VCAN: variants seen among roughly 807,000 people sequenced by gnomAD.
The protein encoded by VCAN is versican core protein.
Under a neutral mutation model 245.5 loss-of-function variants are expected in VCAN, and 44 were observed. The ratio of observed to expected loss-of-function variants is 0.18; its 90% confidence interval spans 0.14 to 0.23. The LOEUF is 0.23. Among genes scored for constraint, VCAN ranks in the 10% least tolerant of loss-of-function variants. The probability of loss-of-function intolerance (pLI) is 1.00; values close to 1 mark genes in which losing one functional copy is unlikely to be tolerated. For synonymous variants in VCAN, 1,413 were observed against 1,437.0 expected (o/e 0.98, Z 0.38); for missense variants, 3,793 against 4,057.9 (o/e 0.93, Z 1.77).
At chr5:83,544,708 G>A (rs1747139540) in intron 8 of VCAN, among the ~76,000 whole-genome samples, 1 of 152,078 alleles carries the variant, frequency 6.6e-6, no homozygotes, top group African/African-American at 2.4e-5. Context: ...ACTTATCCAA[G>A]CAATATTGCA....
At chr5:83,547,950 G>A in intron 9 of VCAN, 21 bp from the exon 10 acceptor site, 1 of 1,541,910 alleles carries the variant, frequency 6.5e-7, no homozygotes, top group South Asian at 1.1e-5. Flanking sequence ...TATTTTGTGA[G>A]CTTTTACTAT....
chr5:83,505,485 C>T (rs1364909834), intron 5 of VCAN, among the ~76,000 whole-genome samples: 1 of 152,178 alleles, frequency 6.6e-6, no homozygotes, highest in Non-Finnish European at 1.5e-5. Context: ...GCAGGTCTCA[C>T]ACCCAGGTCA....
At chr5:83,497,184 A>C (rs956443494) in intron 5 of VCAN, among the ~76,000 whole-genome samples, 2 of 152,236 alleles carry the variant, frequency 1.3e-5, no homozygotes, top group African/African-American at 4.8e-5. Context: ...ATTAAGTATA[A>C]AATGAAAACT....
chr5:83,566,004 C>T (rs1391142221), intron 12 of VCAN, among the ~76,000 whole-genome samples: 1 of 150,524 alleles, frequency 6.6e-6, no homozygotes, highest in African/African-American at 2.5e-5. Flanking sequence ...ACTCTTGTTG[C>T]CCAGGCTGGA....
chr5:83,578,144 T>C (rs73148675), intron 13 of VCAN, among the ~76,000 whole-genome samples: 3,257 of 152,174 alleles, frequency 0.021, 88 homozygotes, highest in African/African-American at 0.056. Flanking sequence ...TGGAATACGA[T>C]GCAGCCATAA....
intron 5 of VCAN, among the ~76,000 whole-genome samples, chr5:83,497,472 T>C (rs1309449261): frequency 6.6e-6 from 1 of 152,190 alleles, no homozygotes; most frequent in Non-Finnish European, 1.5e-5. Context: ...AATAACCTAT[T>C]AAGTTTTAAA....
chr5:83,490,204 T>G lies in VCAN; in HGVS notation c.177T>G (p.Ser59Arg), dbSNP rs775793051. ...CTTTGCCACCCAGTTACAACACCAG[T>G]GAATTTCTCCGCATCAAATGGTCTA... is the stretch of plus-strand genomic sequence containing the variant. ...MPTLPPSYNT[S>R]EFLRIKWSKI... The change falls in exon 3 of 15, where the codon AGT (serine) becomes AGG (arginine). Residue 59 changes from serine (S) to arginine (R), a missense_variant. Transcript: ENST00000265077. 1.2e-6 allele frequency: 2 copies of G among 1,614,146 alleles called. No homozygotes were observed. Among genetic ancestry groups the G allele is most frequent in the Non-Finnish European group, 1.7e-6 (2 of 1,180,014 alleles).
At chr5:83,564,427 C>A (rs1474357092) in intron 12 of VCAN, among the ~76,000 whole-genome samples, 5 of 152,134 alleles carry the variant, frequency 3.3e-5, no homozygotes, top group Non-Finnish European at 7.4e-5. Context: ...TGAATAGTTT[C>A]TTAATTCTAG....
At position 83,526,840 on chromosome 5, in the gene VCAN, A is replaced by G. The variant is rs1580634858; in HGVS notation, c.4003+4531A>G. On this transcript the variant is annotated intron_variant, in intron 7 of 14. Transcript: ENST00000265077. Reference sequence around the variant, plus strand: ...CATGTATGTGCAAAACTAAGTCATCATCAAACTCACACTTCGGGCTTCATA... The same window carrying G: ...CATGTATGTGCAAAACTAAGTCATCGTCAAACTCACACTTCGGGCTTCATA... Among the ~76,000 whole-genome samples the G allele has an allele frequency of 5.9e-5, 9 of 152,350 alleles. 1 individual carries two copies. In the Middle Eastern group the frequency reaches 0.024, roughly 403 times the overall value.
In VCAN at chr5:83,540,618, C is replaced by T. The variant is rs759498840; in HGVS notation, c.7615C>T (p.Pro2539Ser). ...DSTLKPNRKK[P>S]TENIIIDLDK... ...CACCTTAAAACCTAACAGAAAAAAA[C>T]CCACTGAAAATATTATCATAGACCT... The change falls in exon 8 of 15, where the codon CCC becomes TCC. Residue 2539 changes from proline (P) to serine (S), a missense_variant. Pro to Ser is a moderately conservative substitution (Grantham distance 74, BLOSUM62 -1). Transcript: ENST00000265077. 2 of 1,613,666 alleles carry T rather than the reference C, an allele frequency of 1.2e-6. No homozygotes were observed. Among genetic ancestry groups the T allele is most frequent in the East Asian group, 2.2e-5 (1 of 44,858 alleles).
Position 83,537,084 on chromosome 5 carries a change from A to G in VCAN, c.4081A>G (p.Thr1361Ala), listed in dbSNP as rs749068426. 3 of 1,613,718 alleles carry G rather than the reference A, an allele frequency of 1.9e-6. No individual in the cohort carries two copies. The highest frequency in any genetic ancestry group is 1.6e-4 in the Middle Eastern group (1 of 6,074). ...AGAAGATGAACCTTGTAGTGAAGAA[A>G]CAGATCCAGTGCATGATCTAATGGC... is the stretch of plus-strand genomic sequence containing the variant. ...SKEDEPCSEE[T>A]DPVHDLMAEI... is the part of the protein sequence containing the mutation. Residue 1361 changes from threonine to alanine, a missense_variant, in exon 8 of 15, where the codon ACA (threonine) becomes GCA (alanine). Thr to Ala is a moderately conservative substitution (Grantham distance 58). This residue lies in a region of VCAN where 3,182 missense variants were observed against 3,250.3 expected (regional missense o/e 0.98). Transcript: ENST00000265077.
rs200462738 is a variant in VCAN at position 83,542,012 on chromosome 5, G to C, written c.9009G>C (p.Thr3003=). ...WLSPQTSERP[T]LSSSPEINPE... ...GTCCACAGACTTCTGAGAGGCCCAC[G>C]CTTTCTTCTTCTCCAGAAATAAACC... The change falls in exon 8 of 15, where the codon ACG becomes ACC. Residue 3003 remains threonine (T), a synonymous_variant. Coordinates refer to ENST00000265077, the MANE Select transcript of VCAN (RefSeq NM_004385.5). 2 of 1,610,472 alleles carry C rather than the reference G, an allele frequency of 1.2e-6. No homozygotes were observed. Among genetic ancestry groups the C allele is most frequent in the Non-Finnish European group, 8.5e-7 (1 of 1,177,488 alleles).
chr5:83,498,551 A>T (rs1403882442), intron 5 of VCAN, among the ~76,000 whole-genome samples: 1 of 151,830 alleles, frequency 6.6e-6, no homozygotes, highest in African/African-American at 2.4e-5. Context: ...TATTGCTTTA[A>T]TTTTCTTATT....
chr5:83,494,865 G>A (rs868150271), intron 5 of VCAN, among the ~76,000 whole-genome samples: 1 of 152,178 alleles, frequency 6.6e-6, no homozygotes, highest in South Asian at 2.1e-4. Flanking sequence ...AGAAGTGTGG[G>A]GGTGGGGGGT....
chr5:83,490,447 A>T lies in VCAN; in HGVS notation c.420A>T (p.Gln140His). 1 of 1,614,152 alleles carries T rather than the reference A, an allele frequency of 6.2e-7. No homozygotes were observed. The highest frequency in any genetic ancestry group is 1.3e-5 in the African/African-American group (1 of 75,044). The stretch of plus-strand genomic sequence containing the variant: ...TCATGTACGGGATTGAAGACACACA[A>T]GACACGGTGTCACTGACTGTGGATG... ...CDVMYGIEDTQDTVSLTVDGV... is the reference protein window; with the variant it reads ...CDVMYGIEDTHDTVSLTVDGV... Residue 140 changes from glutamine (Q) to histidine (H), a missense_variant, in exon 3 of 15, where the codon CAA becomes CAT. Gln to His is a conservative substitution (Grantham distance 24, BLOSUM62 0). Around this residue, in one of 5 missense-constraint regions of VCAN, gnomAD observed 190 missense variants for 288.6 expected, o/e 0.66. Transcript: ENST00000265077.
intron 12 of VCAN, among the ~76,000 whole-genome samples, chr5:83,562,922 A>G (rs1396471156): frequency 6.6e-6 from 1 of 152,168 alleles, no homozygotes; most frequent in African/African-American, 2.4e-5. Flanking sequence ...GTGAGCTCAC[A>G]CTATTACACA....
rs769736152 is a variant in VCAN at position 83,521,203 on chromosome 5, A to C, written c.2897A>C (p.Tyr966Ser). The change falls in exon 7 of 15, where the codon TAT (tyrosine) becomes TCT (serine). Residue 966 changes from tyrosine (Y) to serine (S), a missense_variant. Physicochemically the swap from Tyr to Ser is moderately radical, Grantham distance 144 (BLOSUM62 -2). Coordinates refer to ENST00000265077, the MANE Select transcript of VCAN (RefSeq NM_004385.5). ...AGTAGCACCCAAGAGCCTACTACTT[A>C]TGTAGACTCTTCCCATACCATTCCT... is the stretch of plus-strand genomic sequence containing the variant. ...SYSSTQEPTT[Y>S]VDSSHTIPLS... 6.2e-7 allele frequency: 1 copy of C among 1,613,826 alleles called. No homozygotes were observed. The highest frequency in any genetic ancestry group is 8.5e-7 in the Non-Finnish European group (1 of 1,179,744).
At chr5:83,483,753 A>G (rs192687895) in intron 2 of VCAN, 165 bp downstream of exon 2, 3 of 705,746 alleles carry the variant, frequency 4.3e-6, no homozygotes, top group South Asian at 3.5e-5. Context: ...CATTAGTTTT[A>G]AATAAATAAG....
intron 7 of VCAN, among the ~76,000 whole-genome samples, chr5:83,530,639 A>G (rs1746481836): frequency 6.6e-6 from 1 of 152,178 alleles, no homozygotes; most frequent in Non-Finnish European, 1.5e-5. Context: ...GAAAATGTAT[A>G]ACATTACTTT....
Sources: allele counts gnomAD v4.1 joint callset (sites outside exome capture counted in the v4.1 genomes callset), GRCh38; gene constraint gnomAD v4.1.1; regional missense constraint gnomAD v4.1.1; transcripts MANE v1.5; gene names NCBI Gene and HGNC (gene_info 2026-07-23, HGNC 2026-07-21).